The following RFTN1 variants were observed in gnomAD, a reference collection of about 807,000 sequenced individuals.
The protein encoded by RFTN1 is raftlin, lipid raft linker 1.
RFTN1 carries 26 observed loss-of-function variants against 46.5 expected under a neutral mutation model. The observed-to-expected ratio is 0.56, with a 90% CI of 0.41 to 0.78. RFTN1 has a LOEUF of 0.78. Ranked by LOEUF, RFTN1 falls within the 30% of genes least tolerant of loss-of-function variation. The pLI, the probability that RFTN1 is intolerant of heterozygous loss-of-function variation, is 0.00. For missense variants in RFTN1, 693 were observed against 718.7 expected, an observed-to-expected ratio of 0.96 and a Z score of 0.41; for synonymous variants, 261 against 284.2, an observed-to-expected ratio of 0.92 and a Z score of 0.82.
In RFTN1 at chr3:16,327,998, C is replaced by T. The variant is rs1192727060; in HGVS notation, c.1147-1122G>A. 6.6e-6 allele frequency among the ~76,000 whole-genome samples: 1 copy of T among 152,246 alleles called. No individual in the cohort carries two copies. Among genetic ancestry groups the T allele is most frequent in the Non-Finnish European group, 1.5e-5 (1 of 68,042 alleles). ...TCTTGTAGTTGGCTTCCGAAAATCT[C>T]AAACATGTATCCAGATTCCTTCCAC... is the stretch of plus-strand genomic sequence containing the variant. On this transcript the variant is annotated intron_variant, in intron 7 of 9. Coordinates refer to ENST00000334133, the MANE Select transcript of RFTN1 (RefSeq NM_015150.2). This position sits in a 1 kb window ranked among gnomAD's most constrained non-coding sequence, Gnocchi z 4.2.
At chr3:16,469,956 G>A (rs539039852) in intron 2 of RFTN1, among the ~76,000 whole-genome samples, 1 of 152,310 alleles carries the variant, frequency 6.6e-6, no homozygotes, top group African/African-American at 2.4e-5. Context: ...GAGGAGCTGT[G>A]TGCTCAGAAA....
Position 16,365,267 on chromosome 3 carries a change from G to C in RFTN1, c.1030+4809C>G, listed in dbSNP as rs796067828. ...CACCCTAAAACCTGCAGATTCCTGG[G>C]GAAACACTCCAATATCAGTGTTTTC... On this transcript the variant is annotated intron_variant, in intron 6 of 9. Transcript: ENST00000334133. Among the ~76,000 whole-genome samples the C allele has an allele frequency of 4.1e-5, 6 of 145,758 alleles. No individual in the cohort carries two copies. In the East Asian group the frequency reaches 1.2e-3, roughly 30 times the overall value.
intron 7 of RFTN1, chr3:16,349,885 C>T (rs1047335463): frequency 2.6e-5 from 4 of 152,236 alleles, no homozygotes; most frequent in Non-Finnish European, 5.9e-5. Context: ...GATATTCCAG[C>T]AGGAGTCGAT....
chr3:16,362,787 G>A (rs543425990), intron 6 of RFTN1, among the ~76,000 whole-genome samples: 5 of 152,268 alleles, frequency 3.3e-5, no homozygotes, highest in African/African-American at 9.6e-5. Flanking sequence ...ATTATATGAT[G>A]GTGTTTAGCC....
chr3:16,435,307 G>A (rs527255481), intron 2 of RFTN1, among the ~76,000 whole-genome samples: 68 of 152,292 alleles, frequency 4.5e-4, no homozygotes, highest in Non-Finnish European at 9.4e-4. Context: ...AGTGGCTCAC[G>A]CCTGTTATCC....
At chr3:16,343,027 G>C (rs1179589021) in intron 7 of RFTN1, among the ~76,000 whole-genome samples, 1 of 151,978 alleles carries the variant, frequency 6.6e-6, no homozygotes, top group Non-Finnish European at 1.5e-5. Flanking sequence ...TTTTAATGTA[G>C]AGAGACAAGG....
At chr3:16,510,385 A>T (rs945642087) in intron 1 of RFTN1, among the ~76,000 whole-genome samples, 1 of 152,170 alleles carries the variant, frequency 6.6e-6, no homozygotes, top group South Asian at 2.1e-4. Context: ...GAAAGCACTC[A>T]ATCAATCTTC....
At chr3:16,392,666 TAC>T (rs552502926) in intron 4 of RFTN1, among the ~76,000 whole-genome samples, 8 of 109,278 alleles carry the variant, frequency 7.3e-5, no homozygotes, top group South Asian at 5.4e-4. Flanking sequence ...TGTATATATG[TAC>T]ACACACACAC....
intron 2 of RFTN1, among the ~76,000 whole-genome samples, chr3:16,493,391 C>T (rs2076573271): frequency 6.6e-6 from 1 of 152,116 alleles, no homozygotes; most frequent in African/African-American, 2.4e-5. Flanking sequence ...GCCACCACGC[C>T]TGGCTAACTT....
In RFTN1 at chr3:16,381,397, G is replaced by C. The variant is rs2073987041; in HGVS notation, c.442-3295C>G. Among the ~76,000 whole-genome samples the C allele has an allele frequency of 6.6e-6, 1 of 152,204 alleles. No homozygotes were observed. Among genetic ancestry groups the C allele is most frequent in the Non-Finnish European group, 1.5e-5 (1 of 68,038 alleles). ...GATGTGAAGGCATAGACATGACAGTGACAATGGTGATTATTTCTGCCTGAA... is the reference window on the plus strand; with the variant it reads ...GATGTGAAGGCATAGACATGACAGTCACAATGGTGATTATTTCTGCCTGAA... On this transcript the variant is annotated intron_variant, in intron 4 of 9. Coordinates refer to ENST00000334133, the MANE Select transcript of RFTN1 (RefSeq NM_015150.2). The surrounding 1 kb of genome is among the most constrained non-coding windows in gnomAD (Gnocchi z 4.2).
chr3:16,323,278 G>A lies in RFTN1; in HGVS notation c.1332+98C>T. The A allele has an allele frequency of 6.9e-6, 6 of 867,110 alleles. No homozygotes were observed. In the South Asian group the frequency reaches 9.7e-5, roughly 14 times the overall value. The allele number at this position is 867,110 out of a possible 1,614,324, so 53.7% of individuals were successfully genotyped here. ...TGTTCCTTGGGCTCTGCGAGCCCTT[G>A]GAAGCTGGAGCAGGCTGCCCCCTCA... On this transcript the variant is annotated intron_variant, in intron 9 of 9. Transcript: ENST00000334133.
intron 4 of RFTN1, among the ~76,000 whole-genome samples, chr3:16,393,421 A>G (rs1218363665): frequency 6.6e-6 from 1 of 152,212 alleles, no homozygotes; most frequent in Middle Eastern, 3.2e-3. Context: ...TACACCACTT[A>G]TAAACACTCA....
At chr3:16,333,565 ATGT>A (rs2070537905) in intron 7 of RFTN1, among the ~76,000 whole-genome samples, 1 of 152,226 alleles carries the variant, frequency 6.6e-6, no homozygotes, top group Non-Finnish European at 1.5e-5. Flanking sequence ...ATTTAATAAA[ATGT>A]TATTATTTTA....
rs1044703133 is a variant in RFTN1, at chr3:16,317,587, C to G, written c.1333-355G>C. ...ATGGAGAGGAGATGTGAGGCCTGCCCCCAGTAAGAGCCAGAGCTGCAGCTA... is the reference window on the plus strand; with the variant it reads ...ATGGAGAGGAGATGTGAGGCCTGCCGCCAGTAAGAGCCAGAGCTGCAGCTA... On this transcript the variant is annotated intron_variant, in intron 9 of 9. Coordinates refer to ENST00000334133, the MANE Select transcript of RFTN1 (RefSeq NM_015150.2). The surrounding 1 kb of genome is among the most constrained non-coding windows in gnomAD (Gnocchi z 4.3). Among the ~76,000 whole-genome samples the G allele has an allele frequency of 2.0e-5, 3 of 152,136 alleles. No homozygotes were observed. Among genetic ancestry groups the G allele is most frequent in the African/African-American group, 7.2e-5 (3 of 41,412 alleles).
rs2075967990 is a variant in RFTN1 at position 16,459,344 on chromosome 3, A to G, written c.146-25307T>C. Among the ~76,000 whole-genome samples the G allele has an allele frequency of 6.6e-6, 1 of 152,244 alleles. No homozygotes were observed. The highest frequency in any genetic ancestry group is 2.1e-4 in the South Asian group (1 of 4,832). On this transcript the variant is annotated intron_variant, in intron 2 of 9. Transcript: ENST00000334133. This position sits in a 1 kb window ranked among gnomAD's most constrained non-coding sequence, Gnocchi z 4.2. ...TACATGAAGAGTTATGTGCCCTAGT[A>G]GAAAACTATTTTTCATTTTCTCATA...
In RFTN1 at chr3:16,468,476, A is replaced by AT. The variant is rs1416418329; in HGVS notation, c.145+25248dup. ...AGGGCACGTTTCTCCCTTTGGTGGG[A>AT]TTTTCTCTTCCAAGCCATTAAAACA... On this transcript the variant is annotated intron_variant, in intron 2 of 9. Coordinates refer to ENST00000334133, the MANE Select transcript of RFTN1 (RefSeq NM_015150.2). This position sits in a 1 kb window ranked among gnomAD's most constrained non-coding sequence, Gnocchi z 4.4. Among the ~76,000 whole-genome samples, 2 of 151,904 alleles carry AT rather than the reference A, an allele frequency of 1.3e-5. No homozygotes were observed. Among genetic ancestry groups the AT allele is most frequent in the Non-Finnish European group, 2.9e-5 (2 of 67,984 alleles).
rs1327553237 is a variant in RFTN1, at chr3:16,358,076, G to A, written c.1031-29C>T. On this transcript the variant is annotated intron_variant, in intron 6 of 9. Coordinates refer to ENST00000334133, the MANE Select transcript of RFTN1 (RefSeq NM_015150.2). Reference sequence around the variant, plus strand: ...TGGAAAAAGAAAAAGGCGGGGGTGGGGGGGGTCTGTAAACCGTCTGTGGCA... The same window carrying A: ...TGGAAAAAGAAAAAGGCGGGGGTGGAGGGGGTCTGTAAACCGTCTGTGGCA... The A allele has an allele frequency of 3.4e-6, 4 of 1,169,506 alleles. 1 individual carries two copies. Among genetic ancestry groups the A allele is most frequent in the Non-Finnish European group, 5.1e-6 (4 of 777,366 alleles). 72.4% of individuals were successfully genotyped at this position (1,169,506 alleles called of 1,614,324 possible).
chr3:16,412,712 T>C (rs543903796), intron 3 of RFTN1, among the ~76,000 whole-genome samples: 1 of 152,348 alleles, frequency 6.6e-6, no homozygotes, highest in South Asian at 2.1e-4. Flanking sequence ...AGGTGATGGA[T>C]GTCACTCCTG....
At chr3:16,377,676 G>T (rs2073829508) in intron 5 of RFTN1, 42 bp downstream of exon 5, 2 of 1,532,302 alleles carry the variant, frequency 1.3e-6, no homozygotes, top group Non-Finnish European at 8.8e-7. Context: ...GCTGTTAGCT[G>T]CTCTTTAAGT....
Sources: allele counts gnomAD v4.1 joint callset (sites outside exome capture counted in the v4.1 genomes callset), GRCh38; gene constraint gnomAD v4.1.1; non-coding constraint Gnocchi (gnomAD v3.1); transcripts MANE v1.5; gene names NCBI Gene and HGNC (gene_info 2026-07-23, HGNC 2026-07-21).